The following CASP8 variants were observed in gnomAD, a reference collection of about 807,000 sequenced individuals.
CASP8 encodes caspase-8.
In CASP8, 24 loss-of-function variants were observed where a neutral mutation model predicts 46.3. That is an observed-to-expected ratio of 0.52 (90% confidence interval 0.38 to 0.73). CASP8 has a LOEUF of 0.73. Among genes scored for constraint, CASP8 ranks in the 30% least tolerant of loss-of-function variants. CASP8 has a pLI of 0.00. For missense variants in CASP8, 460 were observed against 559.0 expected (o/e 0.82, Z 1.79); for synonymous variants, 188 against 200.4 (o/e 0.94, Z 0.52).
At position 201,287,199 on chromosome 2, in the gene CASP8, A is replaced by C. The variant is rs1262047481; in HGVS notation, c.*605A>C. The C allele has an allele frequency of 6.5e-6, 1 of 154,658 alleles. No individual in the cohort carries two copies. The highest frequency in any genetic ancestry group is 2.4e-5 in the African/African-American group (1 of 41,484). 9.6% of individuals were successfully genotyped at this position (154,658 alleles called of 1,614,324 possible). A position where few individuals can be genotyped will look rare whatever the true frequency, so the allele number is the denominator to read the frequency against. ...CACTGTTAATATTCTATTAACTTTA[A>C]TTCTCTTTCAAAGCTAAATTCCACA... On this transcript the variant is annotated 3_prime_UTR_variant, in exon 9 of 9. Transcript: ENST00000673742.
Position 201,285,195 on chromosome 2 carries a change from G to T in CASP8, c.1182G>T (p.Pro394=), listed in dbSNP as rs190041873. 6.2e-7 allele frequency: 1 copy of T among 1,614,176 alleles called. No individual in the cohort carries two copies. Among genetic ancestry groups the T allele is most frequent in the Admixed American group, 1.7e-5 (1 of 60,022 alleles). ...DLSSPQTRYI[P]DEADFLLGMA... is the part of the protein sequence containing the mutation. ...CATCACCTCAAACGAGATATATCCC[G>T]GATGAGGCTGACTTTCTGCTGGGGA... The change falls in exon 8 of 9, where the codon CCG becomes CCT. Residue 394 remains proline, a synonymous_variant. Coordinates refer to ENST00000673742, the MANE Select transcript of CASP8 (RefSeq NM_001372051.1).
At chr2:201,260,388 G>C (rs1324553852), upstream of CASP8, 1 of 237,922 alleles carries the variant, frequency 4.2e-6, no homozygotes, top group Non-Finnish European at 6.8e-6. Context: ...GGACCACCAG[G>C]CCTTTTTCCT....
intron 7 of CASP8, chr2:201,277,893 GTTTT>G: frequency 8.0e-6 from 2 of 249,496 alleles, no homozygotes; most frequent in Non-Finnish European, 1.6e-5. Context: ...TAGAGATGGG[GTTTT>G]GCCATATTGG....
intron 2 of CASP8, among the ~76,000 whole-genome samples, chr2:201,244,944 C>A (rs796136469): frequency 6.6e-6 from 1 of 152,192 alleles, no homozygotes; most frequent in Non-Finnish European, 1.5e-5. Flanking sequence ...CACACTGGGA[C>A]CCCAGACTGT....
At position 201,283,788 on chromosome 2, in the gene CASP8, C is replaced by G. The variant is rs1949337946; in HGVS notation, c.803-1028C>G. On this transcript the variant is annotated intron_variant, in intron 7 of 8. Transcript: ENST00000673742. ...CCGGGCAGAGGAGCCCCTCACCTCC[C>G]GGACGGGGCGGCTGGCCGGGCGGGG... Among the ~76,000 whole-genome samples, 8 of 64,026 alleles carry G rather than the reference C, an allele frequency of 1.2e-4. 1 individual carries two copies. The highest frequency in any genetic ancestry group is 8.8e-4 in the Admixed American group (8 of 9,130). The allele number at this position is 64,026 out of a possible 152,430, so 42.0% of individuals were successfully genotyped here.
At chr2:201,248,795 G>A (rs11897787) in intron 2 of CASP8, among the ~76,000 whole-genome samples, 1 of 152,138 alleles carries the variant, frequency 6.6e-6, no homozygotes, top group African/African-American at 2.4e-5. Flanking sequence ...CCTGTTGGTG[G>A]TTTTTTCCCC....
chr2:201,267,142 A>G (rs1192175064), intron 2 of CASP8, among the ~76,000 whole-genome samples: 1 of 152,106 alleles, frequency 6.6e-6, no homozygotes, highest in Non-Finnish European at 1.5e-5. Context: ...ATAAAAATTT[A>G]TTTTTCAAAG....
chr2:201,270,674 T>G (rs904261506), intron 2 of CASP8, among the ~76,000 whole-genome samples: 4 of 152,080 alleles, frequency 2.6e-5, no homozygotes, highest in Non-Finnish European at 5.9e-5. Flanking sequence ...GGACCACAGG[T>G]GCATGCCACC....
At chr2:201,233,974 T>G (rs1945933965) in intron 1 of CASP8, 2 of 152,386 alleles carry the variant, frequency 1.3e-5, no homozygotes, top group South Asian at 4.1e-4. Flanking sequence ...CCAGAGAGGC[T>G]GACATGGGCT....
Position 201,274,908 on chromosome 2 carries a change from A to G in CASP8, c.615A>G (p.Val205=), listed in dbSNP as rs779769497. The change falls in exon 6 of 9, where the codon GTA becomes GTG. Residue 205 remains valine (V), a synonymous_variant. Coordinates refer to ENST00000673742, the MANE Select transcript of CASP8 (RefSeq NM_001372051.1). ...TTGCAGGGGAGGAGTTGTGTGGGGTAATGACAATCTCGGACTCTCCAAGAG... is the reference window on the plus strand; with the variant it reads ...TTGCAGGGGAGGAGTTGTGTGGGGTGATGACAATCTCGGACTCTCCAAGAG... ...EFSNGEELCG[V]MTISDSPREQ... 3.7e-6 allele frequency: 6 copies of G among 1,613,332 alleles called. No homozygotes were observed. The East Asian group carries it at 1.3e-4, about 36-fold the overall frequency.
intron 2 of CASP8, among the ~76,000 whole-genome samples, chr2:201,251,912 A>AAAAAGCT (rs1213575718): frequency 6.6e-6 from 1 of 152,196 alleles, no homozygotes; most frequent in Non-Finnish European, 1.5e-5. Flanking sequence ...CTAAAAAAAA[A>AAAAAGCT]AAAAGCTTCA....
intron 1 of CASP8, among the ~76,000 whole-genome samples, chr2:201,263,796 A>C (rs1947596704): frequency 6.6e-6 from 1 of 152,248 alleles, no homozygotes; most frequent in Non-Finnish European, 1.5e-5. Flanking sequence ...GATCTAGTTT[A>C]GATCTTTTCC....
intron 1 of CASP8, among the ~76,000 whole-genome samples, chr2:201,263,707 G>A (rs1382863001): frequency 6.6e-6 from 1 of 152,184 alleles, no homozygotes; most frequent in Non-Finnish European, 1.5e-5. Context: ...GTTTTATTCT[G>A]TAAGATGAGA....
intron 1 of CASP8, among the ~76,000 whole-genome samples, chr2:201,261,189 T>C (rs1947365745): frequency 6.6e-6 from 1 of 152,130 alleles, no homozygotes; most frequent in African/African-American, 2.4e-5. Context: ...GTCGGGAGTT[T>C]GAGACCAGCT....
In CASP8 at chr2:201,278,491, T is replaced by C. The variant is rs563280791; in HGVS notation, c.802+1523T>C. ...GTGCTTCCAAATCAACAAGGGCCTA[T>C]TGCATTTCAGTTATTTTTTTCTATT... On this transcript the variant is annotated intron_variant, in intron 7 of 8. Coordinates refer to ENST00000673742, the MANE Select transcript of CASP8 (RefSeq NM_001372051.1). Among the ~76,000 whole-genome samples, 6 of 152,296 alleles carry C rather than the reference T, an allele frequency of 3.9e-5. No individual in the cohort carries two copies. The South Asian group carries it at 6.2e-4, about 16-fold the overall frequency.
chr2:201,272,487 G>T lies in CASP8; in HGVS notation c.412-151G>T. 1 of 809,390 alleles carries T rather than the reference G, an allele frequency of 1.2e-6. No individual in the cohort carries two copies. Among genetic ancestry groups the T allele is most frequent in the South Asian group, 1.5e-5 (1 of 65,166 alleles). The allele number at this position is 809,390 out of a possible 1,614,324, so 50.1% of individuals were successfully genotyped here. ...CATGGAATCGCTTCCCTAGTAGCCT[G>T]CTGGCTGTGAGAGACCAGCAGAAAC... On this transcript the variant is annotated intron_variant, in intron 3 of 8. Coordinates refer to ENST00000673742, the MANE Select transcript of CASP8 (RefSeq NM_001372051.1). This position sits in a 1 kb window ranked among gnomAD's most constrained non-coding sequence, Gnocchi z 4.4.
At chr2:201,242,387 G>C (rs1240237274) in intron 2 of CASP8, 2 of 152,086 alleles carry the variant, frequency 1.3e-5, no homozygotes, top group Non-Finnish European at 2.9e-5. Context: ...ATCTAGTGAG[G>C]GCCTGCTTCT....
rs182177746 is a variant in CASP8 at position 201,252,741 on chromosome 2, C to T, written c.-26-13720C>T. Among the ~76,000 whole-genome samples the T allele has an allele frequency of 1.1e-4, 17 of 152,158 alleles. No homozygotes were observed. In the East Asian group the frequency reaches 2.3e-3, roughly 21 times the overall value. ...ATTTTGTGTCATATGTTGTAAACCA[C>T]GAAAAGTTAATTTTATAACCCACCT... On this transcript the variant is annotated intron_variant, in intron 2 of 6. Transcript: ENST00000264274.
chr2:201,283,768 C>A (rs1949335751), intron 7 of CASP8, among the ~76,000 whole-genome samples: 1 of 62,944 alleles, frequency 1.6e-5, no homozygotes, highest in African/African-American at 4.9e-5. Flanking sequence ...GGCGGCCGGG[C>A]AGAGGAGCCC....
Sources: allele counts gnomAD v4.1 joint callset (sites outside exome capture counted in the v4.1 genomes callset), GRCh38; gene constraint gnomAD v4.1.1; non-coding constraint Gnocchi (gnomAD v3.1); transcripts MANE v1.5; gene names NCBI Gene and HGNC (gene_info 2026-07-23, HGNC 2026-07-21).